Variants in PDCD1LG2 observed in about 807,000 individuals in gnomAD.
The protein encoded by PDCD1LG2 is programmed cell death 1 ligand 2.
PDCD1LG2 carries 32 observed loss-of-function variants against 28.2 expected under a neutral mutation model. The ratio of observed to expected loss-of-function variants is 1.13; its 90% CI spans 0.86 to 1.52. PDCD1LG2 has a LOEUF of 1.52. PDCD1LG2 is among the 40% of genes most tolerant of loss of function. The pLI, the probability that PDCD1LG2 is intolerant of heterozygous loss-of-function variation, is 0.00. For synonymous variants in PDCD1LG2, 116 were observed against 120.2 expected, an observed-to-expected ratio of 0.97 and a Z score of 0.23; for missense variants, 385 against 323.8, an observed-to-expected ratio of 1.19 and a Z score of -1.45.
chr9:5,530,948 G>A (rs1820470779), intron 2 of PDCD1LG2, among the ~76,000 whole-genome samples: 1 of 152,218 alleles, frequency 6.6e-6, no homozygotes, highest in Non-Finnish European at 1.5e-5. Context: ...AGGTGAAGTT[G>A]AGGACAACAC....
At chr9:5,554,612 G>T (rs1362957724) in intron 4 of PDCD1LG2, among the ~76,000 whole-genome samples, 2 of 152,200 alleles carry the variant, frequency 1.3e-5, no homozygotes, top group Non-Finnish European at 2.9e-5. Flanking sequence ...TCAAGCACAA[G>T]TTAGGGAGCA....
At chr9:5,521,299 GT>G (rs1214586524) in intron 1 of PDCD1LG2, among the ~76,000 whole-genome samples, 3 of 152,108 alleles carry the variant, frequency 2.0e-5, no homozygotes, top group Admixed American at 6.5e-5. Context: ...GGATAATAGT[GT>G]TTGTTGCACA....
At chr9:5,530,365 T>G (rs762371952) in intron 2 of PDCD1LG2, among the ~76,000 whole-genome samples, 1 of 152,196 alleles carries the variant, frequency 6.6e-6, no homozygotes, top group Non-Finnish European at 1.5e-5. Context: ...CCTTCCAGTT[T>G]TCTCCTTTGT....
intron 6 of PDCD1LG2, among the ~76,000 whole-genome samples, chr9:5,567,921 C>CTTTACGT (rs1816696575): frequency 6.6e-6 from 1 of 152,152 alleles, no homozygotes; most frequent in Non-Finnish European, 1.5e-5. Flanking sequence ...TTGGTCCAGT[C>CTTTACGT]TTTACGTTTT....
At chr9:5,553,137 G>A (rs1816371228) in intron 4 of PDCD1LG2, among the ~76,000 whole-genome samples, 1 of 151,916 alleles carries the variant, frequency 6.6e-6, no homozygotes, top group African/African-American at 2.4e-5. Context: ...AAGGGGAGAG[G>A]AGGGGAGAGG....
At chr9:5,522,885 T>C (rs1301206210) in intron 2 of PDCD1LG2, among the ~76,000 whole-genome samples, 2 of 152,082 alleles carry the variant, frequency 1.3e-5, no homozygotes, top group Non-Finnish European at 2.9e-5. Flanking sequence ...ACCATGTAAA[T>C]CTAAACTGAT....
At chr9:5,549,688 T>A (rs2129880485) in intron 4 of PDCD1LG2, 84 bp downstream of exon 4, 1 of 1,505,726 alleles carries the variant, frequency 6.6e-7, no homozygotes, top group African/African-American at 1.4e-5. Context: ...TTGAGGAGAG[T>A]GTAATAAAGG....
chr9:5,538,911 T>G (rs1225308838), intron 3 of PDCD1LG2, among the ~76,000 whole-genome samples: 1 of 152,144 alleles, frequency 6.6e-6, no homozygotes, highest in African/African-American at 2.4e-5. Flanking sequence ...ATACAATGTA[T>G]AGTGATCAGA....
At chr9:5,556,434 G>A (rs10975178) in intron 4 of PDCD1LG2, among the ~76,000 whole-genome samples, 24,317 of 152,166 alleles carry the variant, frequency 0.16, 2,542 homozygotes, top group East Asian at 0.28. Context: ...ATCTGTGGGG[G>A]CTGAGCTTTG....
At chr9:5,549,277 C>A (rs1410908757) in intron 3 of PDCD1LG2, 58 bp from the exon 4 acceptor site, 22 of 1,492,812 alleles carry the variant, frequency 1.5e-5, no homozygotes, top group African/African-American at 2.8e-5. Flanking sequence ...CATGAAGTAC[C>A]AAGCTCTATA....
intron 3 of PDCD1LG2, among the ~76,000 whole-genome samples, chr9:5,542,997 T>G (rs1042412165): frequency 6.6e-6 from 1 of 152,088 alleles, no homozygotes; most frequent in Non-Finnish European, 1.5e-5. Flanking sequence ...CATATATATA[T>G]GCATATTATA....
chr9:5,529,815 A>T (rs747931486), intron 2 of PDCD1LG2, among the ~76,000 whole-genome samples: 1 of 152,162 alleles, frequency 6.6e-6, no homozygotes, highest in Non-Finnish European at 1.5e-5. Flanking sequence ...GCTGAGATAA[A>T]CAAAGGAGAA....
At chr9:5,562,288 C>G (rs1482444164) in intron 5 of PDCD1LG2, among the ~76,000 whole-genome samples, 3 of 152,066 alleles carry the variant, frequency 2.0e-5, no homozygotes, top group Non-Finnish European at 4.4e-5. Flanking sequence ...ATATATACAC[C>G]ATGGAATACT....
intron 1 of PDCD1LG2, among the ~76,000 whole-genome samples, chr9:5,514,028 C>G (rs568727291): frequency 1.3e-5 from 2 of 152,164 alleles, no homozygotes; most frequent in East Asian, 1.9e-4. Context: ...CTACTAGACA[C>G]TGGGAGAGGG....
Position 5,510,577 on chromosome 9 carries a change from C to T in PDCD1LG2, c.-241C>T, listed in dbSNP as rs1270547082. On this transcript the variant is annotated 5_prime_UTR_variant, in exon 1 of 7. Coordinates refer to ENST00000397747, the MANE Select transcript of PDCD1LG2 (RefSeq NM_025239.4). ...TTAAGCTGAATGAACAACTTTTCTT[C>T]TCTTGAATATATCTTAACGCCAAAT... 2.0e-5 allele frequency: 3 copies of T among 152,660 alleles called. No individual in the cohort carries two copies. The highest frequency in any genetic ancestry group is 4.4e-5 in the Non-Finnish European group (3 of 68,044). 9.5% of individuals were successfully genotyped at this position (152,660 alleles called of 1,614,324 possible).
intron 2 of PDCD1LG2, among the ~76,000 whole-genome samples, chr9:5,534,347 G>C (rs1243423816): frequency 6.6e-6 from 1 of 152,192 alleles, no homozygotes; most frequent in East Asian, 1.9e-4. Context: ...CTTGATGGTA[G>C]GGAAGTCGAA....
chr9:5,530,369 C>T (rs1325452861), intron 2 of PDCD1LG2, among the ~76,000 whole-genome samples: 2 of 151,998 alleles, frequency 1.3e-5, no homozygotes, highest in African/African-American at 4.8e-5. Context: ...CCAGTTTTCT[C>T]CTTTGTCTAA....
Position 5,570,575 on chromosome 9 carries a change from GCT to G in PDCD1LG2, c.*619_*620del, listed in dbSNP as rs1816751713. ...ACAAATTGTGGAGTAAAGTCATCAA[GCT>G]CTGTTTTTGAGGTCTAAGTCACAAA... On this transcript the variant is annotated 3_prime_UTR_variant, in exon 7 of 7. Transcript: ENST00000397747. The G allele has an allele frequency of 4.3e-6, 1 of 232,754 alleles. No individual in the cohort carries two copies. Among genetic ancestry groups the G allele is most frequent in the East Asian group, 6.1e-5 (1 of 16,476 alleles). 14.4% of individuals were successfully genotyped at this position (232,754 alleles called of 1,614,324 possible). A position where few individuals can be genotyped will look rare whatever the true frequency, so the allele number is the denominator to read the frequency against.
chr9:5,534,586 G>T (rs1236252581), intron 2 of PDCD1LG2, among the ~76,000 whole-genome samples, 159 bp from the exon 3 acceptor site: 1 of 152,180 alleles, frequency 6.6e-6, no homozygotes, highest in Non-Finnish European at 1.5e-5. Flanking sequence ...TTGCCCAGAT[G>T]GATGGGGCAA....
Sources: allele counts gnomAD v4.1 joint callset (sites outside exome capture counted in the v4.1 genomes callset), GRCh38; gene constraint gnomAD v4.1.1; transcripts MANE v1.5; gene names NCBI Gene and HGNC (gene_info 2026-07-23, HGNC 2026-07-21).